The following RAP1GAP2 variants were observed in gnomAD, a reference collection of about 807,000 sequenced individuals.
RAP1GAP2 encodes RAP1 GTPase activating protein 2, also known as rap1 GTPase-activating protein 2.
A neutral mutation model predicts 95.0 loss-of-function variants in RAP1GAP2; 27 were observed. The observed-to-expected ratio is 0.28, with a 90% confidence interval of 0.21 to 0.39. The LOEUF (loss-of-function observed/expected upper bound fraction) is 0.39, where lower values mean the gene tolerates loss of function less well. RAP1GAP2 is among the 10% of genes least tolerant of loss of function. The probability of loss-of-function intolerance (pLI) is 1.00; values close to 1 mark genes in which losing one functional copy is unlikely to be tolerated. For synonymous variants in RAP1GAP2, 373 were observed against 380.9 expected (o/e 0.98, Z 0.24); for missense variants, 771 against 970.0 (o/e 0.79, Z 2.72).
chr17:2,960,572 G>A (rs1460515035), intron 4 of RAP1GAP2, among the ~76,000 whole-genome samples: 2 of 152,198 alleles, frequency 1.3e-5, no homozygotes, highest in African/African-American at 2.4e-5. Context: ...GGTACGTCAC[G>A]CGCTTGGTGA....
In RAP1GAP2 at chr17:2,818,361, G is replaced by C. The variant is rs185050895; in HGVS notation, c.80+17811G>C. On this transcript the variant is annotated intron_variant, in intron 2 of 24. Coordinates refer to ENST00000254695, the MANE Select transcript of RAP1GAP2 (RefSeq NM_015085.5). The stretch of plus-strand genomic sequence containing the variant: ...TATTTATTTTTGAGACGGAGTCTCT[G>C]TTGCCCAGGCTGGAGTGCAGTGGTG... Among the ~76,000 whole-genome samples the C allele has an allele frequency of 9.9e-5, 15 of 151,266 alleles. No individual in the cohort carries two copies. In the East Asian group the frequency reaches 2.9e-3, roughly 30 times the overall value.
At chr17:2,821,097 C>G (rs72817378) in intron 2 of RAP1GAP2, among the ~76,000 whole-genome samples, 1,999 of 152,112 alleles carry the variant, frequency 0.013, 27 homozygotes, top group Non-Finnish European at 0.022. Flanking sequence ...TGGAAACCCT[C>G]ATGGCTCCAC....
intron 3 of RAP1GAP2, among the ~76,000 whole-genome samples, chr17:2,907,243 C>T (rs1032376324): frequency 2.0e-5 from 3 of 152,158 alleles, no homozygotes; most frequent in African/African-American, 7.2e-5. Context: ...CCACCTAAAC[C>T]ATAAGAACTG....
At chr17:2,836,921 A>G (rs1273198571) in intron 2 of RAP1GAP2, among the ~76,000 whole-genome samples, 3 of 152,118 alleles carry the variant, frequency 2.0e-5, no homozygotes, top group Non-Finnish European at 4.4e-5. Context: ...GTGTGTGCCC[A>G]TTCCTGAAGC....
chr17:2,965,474 G>A lies in RAP1GAP2; in HGVS notation c.493-66G>A. On this transcript the variant is annotated intron_variant, in intron 7 of 24. Coordinates refer to ENST00000254695, the MANE Select transcript of RAP1GAP2 (RefSeq NM_015085.5). This position sits in a 1 kb window ranked among gnomAD's most constrained non-coding sequence, Gnocchi z 4.7. ...GGGGCTTCTCCTGGTGAAGGAGGTG[G>A]TTTAGGGGGAACATACCTGGAAGGT... The A allele has an allele frequency of 2.4e-6, 3 of 1,249,006 alleles. No individual in the cohort carries two copies. In the South Asian group the frequency reaches 3.9e-5, roughly 16 times the overall value. The allele number at this position is 1,249,006 out of a possible 1,614,324, so 77.4% of individuals were successfully genotyped here.
At chr17:2,943,972 A>AC (rs1423412060) in intron 3 of RAP1GAP2, among the ~76,000 whole-genome samples, 4 of 151,934 alleles carry the variant, frequency 2.6e-5, no homozygotes, top group East Asian at 1.9e-4. Flanking sequence ...ACATGGTGAA[A>AC]CCAGTCTCTA....
chr17:2,937,542 G>A (rs912861942), intron 3 of RAP1GAP2, among the ~76,000 whole-genome samples: 6 of 152,178 alleles, frequency 3.9e-5, no homozygotes, highest in Admixed American at 6.5e-5. Context: ...CCAGCAGCAC[G>A]TGCAGGAGGG....
At chr17:2,994,295 A>G (rs1255945301) in intron 12 of RAP1GAP2, among the ~76,000 whole-genome samples, 2 of 152,116 alleles carry the variant, frequency 1.3e-5, no homozygotes, top group Non-Finnish European at 2.9e-5. Flanking sequence ...AGTGTTGGGG[A>G]TGCTGAGATT....
intron 17 of RAP1GAP2, among the ~76,000 whole-genome samples, chr17:3,017,487 C>T (rs1360519902): frequency 1.3e-5 from 2 of 152,202 alleles, no homozygotes; most frequent in Non-Finnish European, 2.9e-5. Flanking sequence ...CACACACTTG[C>T]ACCCATGGCC....
chr17:2,820,657 G>C (rs978397443), intron 2 of RAP1GAP2, among the ~76,000 whole-genome samples: 5 of 149,972 alleles, frequency 3.3e-5, no homozygotes, highest in African/African-American at 1.2e-4. Flanking sequence ...TATTTTCACT[G>C]CTCCCAATTC....
intron 13 of RAP1GAP2, among the ~76,000 whole-genome samples, chr17:2,996,506 C>G (rs757729921): frequency 6.6e-6 from 1 of 152,148 alleles, no homozygotes; most frequent in Non-Finnish European, 1.5e-5. Flanking sequence ...AATTGGCAAA[C>G]GAGATGATGA....
chr17:2,998,867 G>A (rs2046057219), intron 14 of RAP1GAP2, among the ~76,000 whole-genome samples: 1 of 152,122 alleles, frequency 6.6e-6, no homozygotes, highest in Non-Finnish European at 1.5e-5. Context: ...AGGCAGAGCT[G>A]GAATAAAGAA....
intron 1 of RAP1GAP2, among the ~76,000 whole-genome samples, chr17:2,787,261 T>C (rs1597306744): frequency 6.6e-6 from 1 of 151,542 alleles, no homozygotes; most frequent in East Asian, 1.9e-4. Flanking sequence ...TTGGTTTTTT[T>C]TTTTTTTTCT....
At chr17:2,927,247 G>A (rs866003908) in intron 3 of RAP1GAP2, among the ~76,000 whole-genome samples, 4 of 151,546 alleles carry the variant, frequency 2.6e-5, no homozygotes, top group East Asian at 4.0e-4. Flanking sequence ...TCCGCCTCCC[G>A]GGTTCAGGCC....
At chr17:3,000,254 C>G (rs1041563550) in intron 14 of RAP1GAP2, among the ~76,000 whole-genome samples, 2 of 152,238 alleles carry the variant, frequency 1.3e-5, no homozygotes, top group Non-Finnish European at 2.9e-5. Context: ...CAGCCCATTT[C>G]TTGAAGGCTA....
chr17:2,936,783 A>T (rs993307419), intron 3 of RAP1GAP2, among the ~76,000 whole-genome samples: 5 of 151,422 alleles, frequency 3.3e-5, no homozygotes, highest in African/African-American at 9.7e-5. Context: ...TCCTCCCGGG[A>T]CCCCCTTCCT....
intron 3 of RAP1GAP2, among the ~76,000 whole-genome samples, chr17:2,931,995 T>C (rs2043170777): frequency 6.6e-6 from 1 of 152,156 alleles, no homozygotes; most frequent in East Asian, 1.9e-4. Context: ...CAAAGATATA[T>C]AATGATATAT....
intron 9 of RAP1GAP2, among the ~76,000 whole-genome samples, 166 bp downstream of exon 9, chr17:2,980,531 G>A (rs2045318100): frequency 6.6e-6 from 1 of 152,174 alleles, no homozygotes; most frequent in Admixed American, 6.5e-5. Context: ...GAGGGCTGTG[G>A]GCAGATGCCT....
intron 2 of RAP1GAP2, among the ~76,000 whole-genome samples, chr17:2,891,809 C>CTTT (rs1488865061): frequency 1.4e-4 from 8 of 58,022 alleles, no homozygotes; most frequent in Non-Finnish European, 2.0e-4. Flanking sequence ...ATTCATATTT[C>CTTT]TTTTCTTTTT....
Sources: allele counts gnomAD v4.1 joint callset (sites outside exome capture counted in the v4.1 genomes callset), GRCh38; gene constraint gnomAD v4.1.1; non-coding constraint Gnocchi (gnomAD v3.1); transcripts MANE v1.5; gene names NCBI Gene and HGNC (gene_info 2026-07-23, HGNC 2026-07-21).